The following NALF1 variants were observed in gnomAD, a reference collection of about 807,000 sequenced individuals.
NALF1 encodes the protein family with sequence similarity 155 member A.
In NALF1, 3 loss-of-function variants were observed where a neutral mutation model predicts 48.4. The observed-to-expected ratio is 0.06, with a 90% confidence interval of 0.03 to 0.16. NALF1 has a LOEUF of 0.16. Among genes scored for constraint, NALF1 ranks in the 10% least tolerant of loss-of-function variants. The probability of loss-of-function intolerance (pLI) is 1.00; values close to 1 mark genes in which losing one functional copy is unlikely to be tolerated. For missense variants in NALF1, 526 were observed against 571.5 expected (o/e 0.92, Z 0.81); for synonymous variants, 262 against 245.7 (o/e 1.07, Z -0.62).
chr13:107,644,981 C>T (rs539421108), intron 1 of NALF1, among the ~76,000 whole-genome samples: 1 of 152,138 alleles, frequency 6.6e-6, no homozygotes, highest in African/African-American at 2.4e-5. Flanking sequence ...ATTAAGAGGT[C>T]ATCCAATTGC....
chr13:107,288,947 G>C (rs565724824), intron 1 of NALF1, among the ~76,000 whole-genome samples: 2 of 152,244 alleles, frequency 1.3e-5, no homozygotes, highest in Admixed American at 1.3e-4. Context: ...AGTTAAAATA[G>C]TAAGTCCATC....
intron 1 of NALF1, among the ~76,000 whole-genome samples, chr13:107,434,099 C>CT (rs1479934468): frequency 2.0e-5 from 3 of 152,156 alleles, no homozygotes; most frequent in African/African-American, 7.2e-5. Context: ...AGTAAATTGA[C>CT]TAAGGGCATA....
chr13:107,669,537 G>A (rs1273141455), intron 1 of NALF1, among the ~76,000 whole-genome samples: 1 of 152,084 alleles, frequency 6.6e-6, no homozygotes, highest in African/African-American at 2.4e-5. Context: ...GAAGAAGCAC[G>A]GAGCCACTGG....
At chr13:107,848,258 A>C (rs1298517115) in intron 1 of NALF1, among the ~76,000 whole-genome samples, 1 of 152,208 alleles carries the variant, frequency 6.6e-6, no homozygotes, top group African/African-American at 2.4e-5. Context: ...TACAATGTTC[A>C]AAAGTATGGT....
intron 1 of NALF1, among the ~76,000 whole-genome samples, chr13:107,367,689 C>T (rs1205022869): frequency 1.3e-5 from 2 of 152,152 alleles, no homozygotes; most frequent in South Asian, 2.1e-4. Context: ...CGTACTGATG[C>T]CCCTTGTGCA....
intron 1 of NALF1, among the ~76,000 whole-genome samples, chr13:107,805,295 C>A (rs761173496): frequency 3.9e-5 from 6 of 152,038 alleles, no homozygotes; most frequent in Non-Finnish European, 5.9e-5. Flanking sequence ...ATGCAGTCTC[C>A]TTAAATTTGC....
At chr13:107,756,510 C>G (rs1275467179) in intron 1 of NALF1, among the ~76,000 whole-genome samples, 2 of 151,158 alleles carry the variant, frequency 1.3e-5, no homozygotes, top group Admixed American at 1.3e-4. Flanking sequence ...TTGGCAGAGA[C>G]TTTACATTTT....
intron 1 of NALF1, among the ~76,000 whole-genome samples, chr13:107,608,644 C>A: frequency 6.6e-6 from 1 of 152,104 alleles, no homozygotes; most frequent in East Asian, 1.9e-4. Flanking sequence ...GTGTAAGCAA[C>A]GGTTGCAGGG....
At chr13:107,541,743 T>C (rs1877005223) in intron 1 of NALF1, among the ~76,000 whole-genome samples, 1 of 152,124 alleles carries the variant, frequency 6.6e-6, no homozygotes, top group Non-Finnish European at 1.5e-5. Context: ...AGAAAAAATA[T>C]TGTTTCCTTA....
intron 1 of NALF1, among the ~76,000 whole-genome samples, chr13:107,694,162 T>C (rs537002080): frequency 2.6e-5 from 4 of 152,316 alleles, no homozygotes; most frequent in Non-Finnish European, 5.9e-5. Context: ...TACAAACAGC[T>C]GTTAAAGCTA....
chr13:107,312,630 T>C (rs977946009), intron 1 of NALF1, among the ~76,000 whole-genome samples: 1 of 152,052 alleles, frequency 6.6e-6, no homozygotes, highest in African/African-American at 2.4e-5. Context: ...CACTTAGAAA[T>C]TGTAGCAATA....
chr13:107,306,746 T>C (rs1881944098), intron 1 of NALF1, among the ~76,000 whole-genome samples: 1 of 152,148 alleles, frequency 6.6e-6, no homozygotes, highest in Non-Finnish European at 1.5e-5. Context: ...AGTGGATCGC[T>C]TGAGCCCAGA....
chr13:107,278,856 C>T (rs1445143537), intron 1 of NALF1, among the ~76,000 whole-genome samples: 2 of 152,040 alleles, frequency 1.3e-5, no homozygotes, highest in Non-Finnish European at 2.9e-5. Context: ...AATTTGTTAT[C>T]TATTTTAAAT....
chr13:107,218,112 C>T (rs1050307244), intron 1 of NALF1, among the ~76,000 whole-genome samples: 2 of 152,106 alleles, frequency 1.3e-5, no homozygotes, highest in African/African-American at 2.4e-5. Flanking sequence ...GCAGGTCACT[C>T]GATGTGCAGC....
chr13:107,609,148 T>C (rs1318579743), intron 1 of NALF1, among the ~76,000 whole-genome samples: 5 of 152,138 alleles, frequency 3.3e-5, no homozygotes, highest in East Asian at 3.9e-4. Context: ...TCTAAAATGA[T>C]TGGTATAGGT....
chr13:107,830,848 T>A (rs1879697393), intron 1 of NALF1, among the ~76,000 whole-genome samples: 2 of 152,202 alleles, frequency 1.3e-5, no homozygotes, highest in Admixed American at 6.5e-5. Context: ...TGAATGGAAT[T>A]AAGACTTACT....
At chr13:107,349,811 C>G (rs1254910446) in intron 1 of NALF1, among the ~76,000 whole-genome samples, 1 of 151,582 alleles carries the variant, frequency 6.6e-6, no homozygotes, top group Non-Finnish European at 1.5e-5. Context: ...AGTAGACCCT[C>G]TGACCTATTC....
chr13:107,786,094 G>A (rs1403051401), intron 1 of NALF1, among the ~76,000 whole-genome samples: 2 of 152,104 alleles, frequency 1.3e-5, no homozygotes. Context: ...GACTTAGCCA[G>A]GACAAGGAAC....
intron 1 of NALF1, among the ~76,000 whole-genome samples, chr13:107,586,862 TAGA>T (rs1019724237): frequency 2.6e-5 from 4 of 151,894 alleles, no homozygotes; most frequent in Admixed American, 2.0e-4. Flanking sequence ...GATGTCATAG[TAGA>T]AGGAGAAATA....
Sources: allele counts gnomAD v4.1 joint callset (sites outside exome capture counted in the v4.1 genomes callset), GRCh38; gene constraint gnomAD v4.1.1; transcripts MANE v1.5; gene names NCBI Gene and HGNC (gene_info 2026-07-23, HGNC 2026-07-21).